Variants in CACNA2D4 observed in about 807,000 individuals in gnomAD.
CACNA2D4 encodes calcium voltage-gated channel auxiliary subunit alpha2delta 4, also known as voltage-dependent calcium channel subunit alpha-2/delta-4.
Under a neutral mutation model 163.8 loss-of-function variants are expected in CACNA2D4, and 157 were observed. The observed-to-expected ratio is 0.96, with a 90% CI of 0.84 to 1.09. The LOEUF (loss-of-function observed/expected upper bound fraction) is 1.09, where lower values mean the gene tolerates loss of function less well. Among genes scored for constraint, CACNA2D4 ranks in the 50% least tolerant of loss-of-function variants. CACNA2D4 has a pLI of 0.00. For synonymous variants in CACNA2D4, 598 were observed against 586.9 expected (o/e 1.02, Z -0.27); for missense variants, 1,410 against 1,479.9 (o/e 0.95, Z 0.78).
At chr12:1,855,050 A>C (rs935528469) in intron 22 of CACNA2D4, among the ~76,000 whole-genome samples, 3 of 152,158 alleles carry the variant, frequency 2.0e-5, no homozygotes, top group African/African-American at 7.2e-5. Context: ...GCTTAACAGG[A>C]TCTCCTTTAA....
In CACNA2D4 at chr12:1,829,238, C is replaced by T. The variant is rs577501701; in HGVS notation, c.2551+11501G>A. The stretch of plus-strand genomic sequence containing the variant: ...CTGTCAGGCCCTTCTCTGGGAGGGG[C>T]GAGCGGCTTCTGGTGATGCAGATCC... On this transcript the variant is annotated intron_variant, in intron 26 of 37. Transcript: ENST00000382722. The surrounding 1 kb of genome is among the most constrained non-coding windows in gnomAD (Gnocchi z 4.2). Among the ~76,000 whole-genome samples the T allele has an allele frequency of 5.9e-5, 9 of 152,290 alleles. No homozygotes were observed. The highest frequency in any genetic ancestry group is 3.9e-4 in the Admixed American group (6 of 15,300).
At chr12:1,901,929 C>T (rs150874306) in intron 6 of CACNA2D4, among the ~76,000 whole-genome samples, 2 of 152,002 alleles carry the variant, frequency 1.3e-5, no homozygotes, top group Non-Finnish European at 2.9e-5. Context: ...AACCTACAGG[C>T]TAATATCCCT....
Position 1,896,654 on chromosome 12 carries a change from C to CAA in CACNA2D4, c.782-9587_782-9586dup, listed in dbSNP as rs367710895. On this transcript the variant is annotated intron_variant, in intron 6 of 37. Transcript: ENST00000382722. ...ACACACACACACACACACACACACA[C>CAA]AAAACAGATGCTAGCAAGGATGCAG... 6.6e-4 allele frequency among the ~76,000 whole-genome samples: 82 copies of CAA among 124,000 alleles called. 1 individual carries two copies. Among genetic ancestry groups the CAA allele is most frequent in the South Asian group, 2.1e-3 (8 of 3,824 alleles). The allele number at this position is 124,000 out of a possible 152,430, so 81.3% of individuals were successfully genotyped here. A position where few individuals can be genotyped will look rare whatever the true frequency, so the allele number is the denominator to read the frequency against.
rs751541557 is a variant in CACNA2D4, at chr12:1,908,020, C to G, written c.504G>C (p.Ser168=). ...NESLVFDYYN[S]VLINERDEKG... is the part of the protein sequence containing the mutation. ...TCTCGTCCCTCTCGTTGATCAGGAC[C>G]GAGTTGTAATAGTCGAACTGGGGTG... The change falls in exon 5 of 38, where the codon TCG becomes TCC. Residue 168 remains serine, a synonymous_variant. Coordinates refer to ENST00000382722, the MANE Select transcript of CACNA2D4 (RefSeq NM_172364.5). The G allele has an allele frequency of 3.7e-6, 6 of 1,613,380 alleles. No individual in the cohort carries two copies. Among genetic ancestry groups the G allele is most frequent in the Non-Finnish European group, 5.1e-6 (6 of 1,179,574 alleles).
Position 1,806,014 on chromosome 12 carries a change from G to A in CACNA2D4, c.2721+4264C>T, listed in dbSNP as rs1039221097. 1.3e-5 allele frequency among the ~76,000 whole-genome samples: 2 copies of A among 152,182 alleles called. No individual in the cohort carries two copies. Among genetic ancestry groups the A allele is most frequent in the Non-Finnish European group, 2.9e-5 (2 of 68,028 alleles). ...CCTGCTCTGAGGGCCTGCCTGGTCC[G>A]GCTCACTGGGCTGGGGTGTGGAGGG... On this transcript the variant is annotated intron_variant, in intron 29 of 37. Coordinates refer to ENST00000382722, the MANE Select transcript of CACNA2D4 (RefSeq NM_172364.5). The surrounding 1 kb of genome is among the most constrained non-coding windows in gnomAD (Gnocchi z 4.1).
At chr12:1,911,282 A>G (rs527986954) in intron 3 of CACNA2D4, among the ~76,000 whole-genome samples, 1 of 152,106 alleles carries the variant, frequency 6.6e-6, no homozygotes, top group South Asian at 2.1e-4. Flanking sequence ...TGGCTTCCCA[A>G]AGTGCCTTCC....
At chr12:1,909,987 G>A in intron 3 of CACNA2D4, 22 bp from the exon 4 acceptor site, 1 of 1,610,876 alleles carries the variant, frequency 6.2e-7, no homozygotes, top group Non-Finnish European at 8.5e-7. Context: ...GAACACAGAG[G>A]TAGGGAGAAT....
intron 22 of CACNA2D4, among the ~76,000 whole-genome samples, chr12:1,855,065 G>A (rs1393755148): frequency 6.6e-6 from 1 of 151,976 alleles, no homozygotes; most frequent in African/African-American, 2.4e-5. Flanking sequence ...CTTTAAAGCA[G>A]GCCTATTTCT....
chr12:1,888,675 A>T (rs1866209050), intron 6 of CACNA2D4, among the ~76,000 whole-genome samples: 1 of 152,266 alleles, frequency 6.6e-6, no homozygotes, highest in Admixed American at 6.5e-5. Context: ...TGCTTTATTC[A>T]TGGGTAAAAA....
Position 1,860,206 on chromosome 12 carries a change from T to C in CACNA2D4, c.1879A>G (p.Lys627Glu). Reference sequence around the variant, plus strand: ...TCATTGGTCAGGAAAAGAACTCGCTTCTGAAAGAGTAGACAAGGAAAGAGT... The same window carrying C: ...TCATTGGTCAGGAAAAGAACTCGCTCCTGAAAGAGTAGACAAGGAAAGAGT... ...MDVKVPMDKG[K>E]RVLFLTNDYF... The change falls in exon 19 of 38, where the codon AAG becomes GAG. Residue 627 changes from lysine to glutamate, a missense_variant and splice_region_variant. By Grantham distance (56) the Lys-to-Glu change is moderately conservative (BLOSUM62 1). Coordinates refer to ENST00000382722, the MANE Select transcript of CACNA2D4 (RefSeq NM_172364.5). 6.2e-7 allele frequency: 1 copy of C among 1,613,110 alleles called. No individual in the cohort carries two copies. The highest frequency in any genetic ancestry group is 8.5e-7 in the Non-Finnish European group (1 of 1,179,370).
intron 18 of CACNA2D4, among the ~76,000 whole-genome samples, chr12:1,865,118 G>T (rs957442935): frequency 1.3e-5 from 2 of 152,182 alleles, no homozygotes; most frequent in Admixed American, 1.3e-4. Flanking sequence ...TGCCGCTCAC[G>T]CTGTACCTGG....
chr12:1,811,932 T>C (rs1359957058), intron 26 of CACNA2D4: 1 of 582,228 alleles, frequency 1.7e-6, no homozygotes, highest in Admixed American at 3.1e-5. Flanking sequence ...CCTCTCTCGT[T>C]CCCACTGGAA....
Position 1,799,850 on chromosome 12 carries a change from G to A in CACNA2D4, c.2974+150C>T. On this transcript the variant is annotated intron_variant, in intron 33 of 37. Coordinates refer to ENST00000382722, the MANE Select transcript of CACNA2D4 (RefSeq NM_172364.5). The surrounding 1 kb of genome is among the most constrained non-coding windows in gnomAD (Gnocchi z 4.7). The stretch of plus-strand genomic sequence containing the variant: ...CAGAGCCAGGAGTGAGGGATGTGAT[G>A]AGAGAAGGCCACGCAGGGTGAGATG... 3 of 1,261,372 alleles carry A rather than the reference G, an allele frequency of 2.4e-6. No individual in the cohort carries two copies. Among genetic ancestry groups the A allele is most frequent in the South Asian group, 1.3e-5 (1 of 77,840 alleles). 78.1% of individuals were successfully genotyped at this position (1,261,372 alleles called of 1,614,324 possible). A position where few individuals can be genotyped will look rare whatever the true frequency, so the allele number is the denominator to read the frequency against.
chr12:1,854,416 T>C (rs1215576603), intron 22 of CACNA2D4, among the ~76,000 whole-genome samples: 3 of 152,116 alleles, frequency 2.0e-5, no homozygotes, highest in Non-Finnish European at 2.9e-5. Flanking sequence ...TTTGTTGTTG[T>C]TGTTGTTGAG....
In CACNA2D4 at chr12:1,828,617, C is replaced by T. The variant is rs1169716442; in HGVS notation, c.2551+12122G>A. Among the ~76,000 whole-genome samples the T allele has an allele frequency of 1.3e-5, 2 of 152,206 alleles. No homozygotes were observed. Among genetic ancestry groups the T allele is most frequent in the South Asian group, 2.1e-4 (1 of 4,834 alleles). ...AGACTGCGGCGAGCCCTTTTGCTCCCGTGGGGAACTGCCCCCTTGGCTGGC... is the reference window on the plus strand; with the variant it reads ...AGACTGCGGCGAGCCCTTTTGCTCCTGTGGGGAACTGCCCCCTTGGCTGGC... On this transcript the variant is annotated intron_variant, in intron 26 of 37. Coordinates refer to ENST00000382722, the MANE Select transcript of CACNA2D4 (RefSeq NM_172364.5). The surrounding 1 kb of genome is among the most constrained non-coding windows in gnomAD (Gnocchi z 4.2).
rs1223859997 is a variant in CACNA2D4 at position 1,878,652 on chromosome 12, A to G, written c.1645-263T>C. ...ACCACATGTTCTGGGTGCTTTGATG[A>G]TGTAATCTCACTCACCCTTACAGCA... On this transcript the variant is annotated intron_variant, in intron 15 of 37. Transcript: ENST00000382722. The surrounding 1 kb of genome is among the most constrained non-coding windows in gnomAD (Gnocchi z 4.6). Among the ~76,000 whole-genome samples the G allele has an allele frequency of 6.6e-6, 1 of 152,176 alleles. No homozygotes were observed. Among genetic ancestry groups the G allele is most frequent in the Non-Finnish European group, 1.5e-5 (1 of 68,036 alleles).
chr12:1,809,309 T>TA (rs1750615027), intron 29 of CACNA2D4: 1 of 562,514 alleles, frequency 1.8e-6, no homozygotes, highest in African/African-American at 1.9e-5. Context: ...CCCAGGAACT[T>TA]AGAGCCCTCA....
intron 6 of CACNA2D4, among the ~76,000 whole-genome samples, chr12:1,903,439 T>C (rs907708135): frequency 7.2e-5 from 11 of 151,942 alleles, no homozygotes; most frequent in African/African-American, 2.7e-4. Context: ...ATGCACAGAA[T>C]GGGAGAAAAT....
intron 14 of CACNA2D4, 22 bp downstream of exon 14, chr12:1,879,782 G>T: frequency 1.3e-6 from 2 of 1,569,936 alleles, no homozygotes; most frequent in Non-Finnish European, 1.7e-6. Context: ...CTGCTACAAC[G>T]TCTCCAGGAG....
Sources: gnomAD v4.1 joint callset for allele counts (sites outside exome capture counted in the v4.1 genomes callset) on GRCh38, gnomAD v4.1.1 for gene constraint, Gnocchi (gnomAD v3.1) non-coding constraint, MANE v1.5 for transcripts, NCBI Gene and HGNC (gene_info 2026-07-23, HGNC 2026-07-21) for gene names.